Variants in MIGA1 observed in about 807,000 individuals in gnomAD.
MIGA1 encodes the protein mitoguardin 1, also known as family with sequence similarity 73, member A.
A neutral mutation model predicts 82.0 loss-of-function variants in MIGA1; 58 were observed. That is an observed-to-expected ratio of 0.71 (90% CI 0.57 to 0.88). MIGA1 has a LOEUF of 0.88. MIGA1 is among the 40% of genes least tolerant of loss of function. The pLI, the probability that MIGA1 is intolerant of heterozygous loss-of-function variation, is 0.00. For synonymous variants in MIGA1, 249 were observed against 253.6 expected, an observed-to-expected ratio of 0.98 and a Z score of 0.17; for missense variants, 751 against 749.1, an observed-to-expected ratio of 1.00 and a Z score of -0.03.
intron 7 of MIGA1, among the ~76,000 whole-genome samples, chr1:77,839,461 T>TA (rs1202625763): frequency 6.6e-6 from 1 of 151,304 alleles, no homozygotes; most frequent in East Asian, 2.0e-4. Context: ...GCCTTGAACT[T>TA]ACGGGCTCAA....
chr1:77,844,135 T>TATATAG (rs1376030825), intron 8 of MIGA1, among the ~76,000 whole-genome samples: 53 of 112,514 alleles, frequency 4.7e-4, no homozygotes, highest in African/African-American at 2.0e-3. Context: ...TATATATATA[T>TATATAG]ATAGATAGAT....
intron 1 of MIGA1, chr1:77,780,080 A>G (rs555939007): frequency 1.9e-6 from 2 of 1,041,734 alleles, no homozygotes; most frequent in East Asian, 7.9e-5. Flanking sequence ...AAGGGTCTGG[A>G]CGGCCGAGCT....
chr1:77,790,680 A>G (rs1414261050), intron 2 of MIGA1, among the ~76,000 whole-genome samples: 1 of 146,676 alleles, frequency 6.8e-6, no homozygotes, highest in Non-Finnish European at 1.5e-5. Flanking sequence ...TCCACATCCC[A>G]GGTTCAAGCG....
At chr1:77,806,506 A>G (rs946935816) in intron 4 of MIGA1, among the ~76,000 whole-genome samples, 10 of 152,244 alleles carry the variant, frequency 6.6e-5, no homozygotes, top group African/African-American at 2.4e-4. Flanking sequence ...AATCATCTGC[A>G]TAGAGGTGAT....
intron 2 of MIGA1, among the ~76,000 whole-genome samples, chr1:77,788,016 T>G (rs1682246802): frequency 6.6e-6 from 1 of 151,820 alleles, no homozygotes; most frequent in African/African-American, 2.4e-5. Context: ...AGACAGAGTC[T>G]CGCTTCTTCA....
intron 8 of MIGA1, 92 bp from the exon 9 acceptor site, chr1:77,858,846 C>G: frequency 1.4e-6 from 1 of 721,852 alleles, no homozygotes; most frequent in Non-Finnish European, 2.4e-6. Context: ...TTTCAAACTT[C>G]TGGGTTCAAA....
At chr1:77,850,865 T>TC (rs1447640741) in intron 8 of MIGA1, among the ~76,000 whole-genome samples, 3 of 151,220 alleles carry the variant, frequency 2.0e-5, no homozygotes, top group African/African-American at 4.8e-5. Flanking sequence ...TTTCTTTCTT[T>TC]TTTTTTTTGT....
chr1:77,820,671 C>T (rs1683771596), intron 7 of MIGA1, among the ~76,000 whole-genome samples: 1 of 151,668 alleles, frequency 6.6e-6, no homozygotes, highest in South Asian at 2.1e-4. Context: ...AATTTCAAGA[C>T]GTTCTTTAAA....
intron 8 of MIGA1, among the ~76,000 whole-genome samples, chr1:77,846,624 G>A (rs994669030): frequency 1.3e-5 from 2 of 151,674 alleles, no homozygotes; most frequent in Non-Finnish European, 2.9e-5. Flanking sequence ...GTGAGCCACT[G>A]TGTCCAGCTG....
At chr1:77,819,575 C>A (rs189422307) in intron 7 of MIGA1, among the ~76,000 whole-genome samples, 2 of 150,426 alleles carry the variant, frequency 1.3e-5, no homozygotes, top group Admixed American at 6.6e-5. Flanking sequence ...TGAACCACTG[C>A]GCCTGGCCTA....
chr1:77,873,215 A>C (rs1399735118), intron 15 of MIGA1, 95 bp downstream of exon 15: 2 of 1,229,744 alleles, frequency 1.6e-6, no homozygotes, highest in African/African-American at 3.0e-5. Context: ...AGAAGAACAA[A>C]TGTTATTTAA....
chr1:77,825,932 G>A (rs561718936), intron 7 of MIGA1, among the ~76,000 whole-genome samples: 1 of 152,252 alleles, frequency 6.6e-6, no homozygotes, highest in East Asian at 1.9e-4. Context: ...CTTAGACTCA[G>A]CTTTTTCATC....
chr1:77,851,489 A>G (rs1397667506), intron 8 of MIGA1, among the ~76,000 whole-genome samples: 1 of 152,220 alleles, frequency 6.6e-6, no homozygotes, highest in African/African-American at 2.4e-5. Flanking sequence ...AAAACCTTTT[A>G]AAACATGTTT....
At chr1:77,838,796 G>C (rs550203100) in intron 7 of MIGA1, among the ~76,000 whole-genome samples, 1 of 152,076 alleles carries the variant, frequency 6.6e-6, no homozygotes, top group Non-Finnish European at 1.5e-5. Context: ...GTTTAGTTTT[G>C]TCTGTTTTTG....
At chr1:77,871,822 T>G (rs914911082) in intron 14 of MIGA1, among the ~76,000 whole-genome samples, 30 of 151,496 alleles carry the variant, frequency 2.0e-4, no homozygotes, top group Non-Finnish European at 4.4e-5. Context: ...ATTTTACTAG[T>G]TTTTTTTTGG....
At chr1:77,814,395 T>C (rs1683494508) in intron 6 of MIGA1, among the ~76,000 whole-genome samples, 2 of 152,290 alleles carry the variant, frequency 1.3e-5, no homozygotes, top group South Asian at 4.1e-4. Flanking sequence ...TAAAGGATTT[T>C]TTTTTAAAGA....
intron 2 of MIGA1, among the ~76,000 whole-genome samples, chr1:77,788,979 T>C (rs192623980): frequency 1.2e-4 from 19 of 152,302 alleles, no homozygotes; most frequent in Admixed American, 1.2e-3. Context: ...CTGCATTGAA[T>C]CTGTAGATTG....
intron 8 of MIGA1, among the ~76,000 whole-genome samples, chr1:77,844,118 A>G (rs1257209875): frequency 2.6e-5 from 1 of 39,198 alleles, no homozygotes; most frequent in Non-Finnish European, 7.5e-5. Context: ...AAAAAAATAT[A>G]TATATATATA....
chr1:77,795,632 CTT>C (rs774683958), intron 2 of MIGA1, among the ~76,000 whole-genome samples: 24 of 136,106 alleles, frequency 1.8e-4, no homozygotes, highest in Admixed American at 2.2e-4. Flanking sequence ...ATATTACTTT[CTT>C]TTTTTTTTTT....
Sources: gnomAD v4.1 joint callset for allele counts (sites outside exome capture counted in the v4.1 genomes callset) on GRCh38, gnomAD v4.1.1 for gene constraint, MANE v1.5 for transcripts, NCBI Gene and HGNC (gene_info 2026-07-23, HGNC 2026-07-21) for gene names.